Variants in XRN1 observed in about 807,000 individuals in gnomAD.
XRN1 encodes the protein strand-exchange protein 1 homolog.
XRN1 carries 67 observed loss-of-function variants against 222.3 expected under a neutral mutation model. That is an observed-to-expected ratio of 0.30 (90% CI 0.25 to 0.37). The LOEUF (loss-of-function observed/expected upper bound fraction) is 0.37, where lower values mean the gene tolerates loss of function less well. Ranked by LOEUF, XRN1 falls within the 10% of genes least tolerant of loss-of-function variation. The pLI is 1.00. For synonymous variants in XRN1, 643 were observed against 652.4 expected, an observed-to-expected ratio of 0.99 and a Z score of 0.22; for missense variants, 1,707 against 2,000.2, an observed-to-expected ratio of 0.85 and a Z score of 2.80.
At chr3:142,400,409 T>C (rs752971590) in intron 19 of XRN1, 35 bp downstream of exon 19, 1 of 1,523,256 alleles carries the variant, frequency 6.6e-7, no homozygotes, top group East Asian at 2.3e-5. Context: ...AAAGCAAATA[T>C]ATGTTAGAAA....
At chr3:142,407,354 G>T (rs538589197) in intron 15 of XRN1, among the ~76,000 whole-genome samples, 1 of 152,208 alleles carries the variant, frequency 6.6e-6, no homozygotes, top group South Asian at 2.1e-4. Flanking sequence ...TTTATTTGAT[G>T]GAGTATCACT....
Position 142,371,247 on chromosome 3 carries a change from A to G in XRN1, c.3060T>C (p.Asn1020=). The part of the protein sequence containing the change: ...FYEDDIWPGE[N]ENGAEKVQEI... Reference sequence around the variant, plus strand: ...TCATAAATCTTGCTTACCCATTCTCATTTTCTCCAGGCCAAATGTCATCTT... The same window carrying G: ...TCATAAATCTTGCTTACCCATTCTCGTTTTCTCCAGGCCAAATGTCATCTT... Residue 1020 remains asparagine, a synonymous_variant, in exon 26 of 41, where the codon AAT becomes AAC. Coordinates refer to ENST00000392981, the MANE Select transcript of XRN1 (RefSeq NM_001282857.2). The G allele has an allele frequency of 6.2e-7, 1 of 1,612,958 alleles. No individual in the cohort carries two copies. Among genetic ancestry groups the G allele is most frequent in the Non-Finnish European group, 8.5e-7 (1 of 1,179,668 alleles).
chr3:142,325,598 A>G (rs190886252), intron 37 of XRN1, among the ~76,000 whole-genome samples: 21 of 151,552 alleles, frequency 1.4e-4, no homozygotes, highest in Admixed American at 3.3e-4. Context: ...GTTTGCAAAT[A>G]TTTTCTCCTC....
At chr3:142,446,224 A>G (rs763612772) in intron 1 of XRN1, among the ~76,000 whole-genome samples, 1 of 152,220 alleles carries the variant, frequency 6.6e-6, no homozygotes, top group Non-Finnish European at 1.5e-5. Context: ...CTTCCCGCCC[A>G]GGACTAGCTT....
intron 20 of XRN1, among the ~76,000 whole-genome samples, chr3:142,392,404 T>A (rs1033311186): frequency 6.6e-6 from 1 of 152,180 alleles, no homozygotes; most frequent in Admixed American, 6.5e-5. Flanking sequence ...TGTATACATA[T>A]GCCATGCTGG....
At chr3:142,337,978 T>G (rs2065894405) in intron 33 of XRN1, among the ~76,000 whole-genome samples, 1 of 152,170 alleles carries the variant, frequency 6.6e-6, no homozygotes, top group Admixed American at 6.5e-5. Context: ...GGAACTTGAG[T>G]ACCTGCAAGC....
chr3:142,332,462 T>C lies in XRN1; in HGVS notation c.4135A>G (p.Lys1379Glu), dbSNP rs151093179. 2.5e-6 allele frequency: 4 copies of C among 1,613,420 alleles called. No individual in the cohort carries two copies. In the African/African-American group the frequency reaches 5.3e-5, roughly 22 times the overall value. Residue 1379 changes from lysine to glutamate, a missense_variant, in exon 36 of 41, where the codon AAA becomes GAA. Around this residue, in one of 2 missense-constraint regions of XRN1, gnomAD observed 473 missense variants for 482.0 expected, o/e 0.98. Transcript: ENST00000392981. ...SNTVDHKNEI[K>E]QIANEIPVSS... ...ACAGGGATTTCATTAGCAATCTGTT[T>C]GATTTCATTCTTATGGTCCACAGTG...
chr3:142,397,697 GGAA>G lies in XRN1; in HGVS notation c.2208-240_2208-238del, dbSNP rs992348271. On this transcript the variant is annotated intron_variant, in intron 19 of 40. Coordinates refer to ENST00000392981, the MANE Select transcript of XRN1 (RefSeq NM_001282857.2). ...ATTTTAAAAGCATGGGAAGTACAGA[GGAA>G]GAAGAAGATAAGTTGGTTAATACAA... is the stretch of plus-strand genomic sequence containing the variant. Among the ~76,000 whole-genome samples the G allele has an allele frequency of 1.4e-4, 22 of 152,230 alleles. No homozygotes were observed. The South Asian group carries it at 2.1e-3, about 14-fold the overall frequency.
intron 1 of XRN1, among the ~76,000 whole-genome samples, chr3:142,445,382 ATGTCTGGAGAGATACTC>A: frequency 6.6e-6 from 1 of 152,030 alleles, no homozygotes; most frequent in African/African-American, 2.4e-5. Flanking sequence ...GCAAGTTTTT[ATGTCTGGAGAGATACTC>A]TGTCCCTTTT....
chr3:142,324,142 A>G (rs1560287563), intron 37 of XRN1, among the ~76,000 whole-genome samples: 1 of 151,844 alleles, frequency 6.6e-6, no homozygotes, highest in Non-Finnish European at 1.5e-5. Context: ...CATGTGCACA[A>G]CGTGCAGGTT....
At position 142,357,125 on chromosome 3, in the gene XRN1, AG is replaced by A. The variant is rs746776829; in HGVS notation, c.3465-7del. Reference sequence around the variant, plus strand: ...AACCTCTACCAGGTGAGCATCTAAAAGTAAAAGTTATATCAGGGTTGGAAGG... The same window carrying A: ...AACCTCTACCAGGTGAGCATCTAAAATAAAAGTTATATCAGGGTTGGAAGG... On this transcript the variant is annotated splice_region_variant and splice_polypyrimidine_tract_variant and intron_variant, in intron 30 of 40. Coordinates refer to ENST00000392981, the MANE Select transcript of XRN1 (RefSeq NM_001282857.2). 1.9e-6 allele frequency: 3 copies of A among 1,599,608 alleles called. No individual in the cohort carries two copies. Among genetic ancestry groups the A allele is most frequent in the Non-Finnish European group, 2.6e-6 (3 of 1,172,288 alleles).
intron 30 of XRN1, 40 bp from the exon 31 acceptor site, chr3:142,357,159 T>G: frequency 3.2e-6 from 5 of 1,544,396 alleles, no homozygotes; most frequent in Non-Finnish European, 4.4e-6. Context: ...AGGAAAACAA[T>G]ACTAAATGTG....
At chr3:142,338,455 A>T (rs1302103279) in intron 33 of XRN1, among the ~76,000 whole-genome samples, 1 of 152,128 alleles carries the variant, frequency 6.6e-6, no homozygotes, top group Non-Finnish European at 1.5e-5. Flanking sequence ...ACCAGCAGCG[A>T]TACCAGGTAG....
At chr3:142,327,153 G>A (rs547195926) in intron 37 of XRN1, among the ~76,000 whole-genome samples, 9 of 152,180 alleles carry the variant, frequency 5.9e-5, no homozygotes, top group African/African-American at 1.7e-4. Flanking sequence ...TCCTCCTCAA[G>A]TTTTTGGAAC....
chr3:142,308,716 G>A lies in XRN1; in HGVS notation c.*2795C>T, dbSNP rs2065019366. On this transcript the variant is annotated 3_prime_UTR_variant, in exon 41 of 41. Transcript: ENST00000392981. ...TTGCTCAAAAAAGAAAAAACTTATT[G>A]AATAGAAATATTTAGAAATAATGTT... 1 of 152,170 alleles carries A rather than the reference G, an allele frequency of 6.6e-6. No individual in the cohort carries two copies. The highest frequency in any genetic ancestry group is 2.4e-5 in the African/African-American group (1 of 41,446). The allele number at this position is 152,170 out of a possible 1,614,324, so 9.4% of individuals were successfully genotyped here.
In XRN1 at chr3:142,307,246, G is replaced by A. The variant is rs2064987059; in HGVS notation, c.*4265C>T. The A allele has an allele frequency of 1.3e-5, 2 of 151,958 alleles. No individual in the cohort carries two copies. Among genetic ancestry groups the A allele is most frequent in the African/African-American group, 4.8e-5 (2 of 41,362 alleles). 9.4% of individuals were successfully genotyped at this position (151,958 alleles called of 1,614,324 possible). A position where few individuals can be genotyped will look rare whatever the true frequency, so the allele number is the denominator to read the frequency against. On this transcript the variant is annotated 3_prime_UTR_variant, in exon 41 of 41. Coordinates refer to ENST00000392981, the MANE Select transcript of XRN1 (RefSeq NM_001282857.2). ...ACCAAATTCTCATTCTTTTTAATGA[G>A]AAACAGCATGAGAATTTGGCTTCAA...
intron 10 of XRN1, 56 bp from the exon 11 acceptor site, chr3:142,418,937 G>C: frequency 6.6e-7 from 1 of 1,507,936 alleles, no homozygotes; most frequent in Non-Finnish European, 9.2e-7. Context: ...AAAATGAGAT[G>C]TCATTTCTCT....
At chr3:142,402,191 T>TC (rs2068167584) in intron 18 of XRN1, among the ~76,000 whole-genome samples, 1 of 152,046 alleles carries the variant, frequency 6.6e-6, no homozygotes, top group South Asian at 2.1e-4. Flanking sequence ...CTTTTTTTTT[T>TC]CCTTTTTTGA....
Position 142,332,480 on chromosome 3 carries a change from C to A in XRN1, c.4117G>T (p.Asp1373Tyr). Reference protein sequence around the residue: ...ILKIDGSNTVDHKNEIKQIAN... With the variant: ...ILKIDGSNTVYHKNEIKQIAN... ...ATCTGTTTGATTTCATTCTTATGGT[C>A]CACAGTGTTAGAGCCATCAATTTTT... Residue 1373 changes from aspartate (D) to tyrosine (Y), a missense_variant, in exon 36 of 41, where the codon GAC becomes TAC. Asp to Tyr is a radical substitution (Grantham distance 160, BLOSUM62 -3). Coordinates refer to ENST00000392981, the MANE Select transcript of XRN1 (RefSeq NM_001282857.2). 1 of 1,613,480 alleles carries A rather than the reference C, an allele frequency of 6.2e-7. No homozygotes were observed. Among genetic ancestry groups the A allele is most frequent in the Admixed American group, 1.7e-5 (1 of 59,984 alleles).
Sources: gnomAD v4.1 joint callset for allele counts (sites outside exome capture counted in the v4.1 genomes callset) on GRCh38, gnomAD v4.1.1 for gene constraint, gnomAD v4.1.1 regional missense constraint, MANE v1.5 for transcripts, NCBI Gene and HGNC (gene_info 2026-07-23, HGNC 2026-07-21) for gene names.